The following TRIP11 variants were observed in gnomAD, a reference collection of about 807,000 sequenced individuals.
The protein encoded by TRIP11 is thyroid receptor-interacting protein 11.
A neutral mutation model predicts 223.1 loss-of-function variants in TRIP11; 148 were observed. That is an observed-to-expected ratio of 0.66 (90% CI 0.58 to 0.76). The LOEUF (loss-of-function observed/expected upper bound fraction) is 0.76, where lower values mean the gene tolerates loss of function less well. Ranked by LOEUF, TRIP11 falls within the 30% of genes least tolerant of loss-of-function variation. The pLI is 0.00. For synonymous variants in TRIP11, 762 were observed against 772.6 expected (o/e 0.99, Z 0.23); for missense variants, 2,043 against 2,222.0 (o/e 0.92, Z 1.62).
intron 13 of TRIP11, among the ~76,000 whole-genome samples, chr14:91,997,817 C>T (rs919065914): frequency 6.6e-6 from 1 of 151,974 alleles, no homozygotes; most frequent in African/African-American, 2.4e-5. Context: ...AAAGATCACA[C>T]CTCTATGTAA....
At position 91,999,447 on chromosome 14, in the gene TRIP11, A is replaced by G. The variant is rs1279503299; in HGVS notation, c.4699-14T>C. The G allele has an allele frequency of 6.2e-6, 10 of 1,613,054 alleles. No individual in the cohort carries two copies. The highest frequency in any genetic ancestry group is 1.7e-5 in the Admixed American group (1 of 59,970). ...TAAACGTTGAACCTAGGTAGAGGAC[A>G]TTATTTTTCTTTTACAAAATGCTCC... On this transcript the variant is annotated splice_polypyrimidine_tract_variant and intron_variant, in intron 12 of 20. Coordinates refer to ENST00000267622, the MANE Select transcript of TRIP11 (RefSeq NM_004239.4).
chr14:92,010,904 T>C (rs2056963874), intron 9 of TRIP11, 82 bp downstream of exon 9: 1 of 1,266,190 alleles, frequency 7.9e-7, no homozygotes, highest in East Asian at 2.3e-5. Context: ...TACTCAACAT[T>C]CCATTTGGAT....
chr14:92,010,142 C>T (rs1054455148), intron 9 of TRIP11, among the ~76,000 whole-genome samples: 3 of 152,186 alleles, frequency 2.0e-5, no homozygotes, highest in Middle Eastern at 3.2e-3. Flanking sequence ...CTTCTAAATA[C>T]CTTTCCCTTT....
rs774315459 is a variant in TRIP11 at position 92,021,696 on chromosome 14, T to A, written c.448A>T (p.Ile150Phe). 6.2e-7 allele frequency: 1 copy of A among 1,614,156 alleles called. No individual in the cohort carries two copies. The highest frequency in any genetic ancestry group is 1.7e-5 in the Admixed American group (1 of 60,012). The change falls in exon 4 of 21, where the codon ATT becomes TTT. Residue 150 changes from isoleucine (I) to phenylalanine (F), a missense_variant. Ile to Phe is a conservative substitution (Grantham distance 21, BLOSUM62 0). Transcript: ENST00000267622. ...TTASSSFAYG[I>F]SHHPSAFHDD... Reference sequence around the variant, plus strand: ...TGGAAAGCTGAAGGATGATGACTAATCCCATAAGCGAATGAAGATGATGCA... The same window carrying A: ...TGGAAAGCTGAAGGATGATGACTAAACCCATAAGCGAATGAAGATGATGCA...
At chr14:92,026,553 G>A in intron 2 of TRIP11, 6 of 1,260,578 alleles carry the variant, frequency 4.8e-6, no homozygotes, top group Non-Finnish European at 6.9e-6. Context: ...TCGGATCACT[G>A]GCGTGCCCTA....
intron 2 of TRIP11, among the ~76,000 whole-genome samples, chr14:92,028,584 G>A (rs1427097898): frequency 6.6e-6 from 1 of 152,104 alleles, no homozygotes; most frequent in East Asian, 1.9e-4. Flanking sequence ...GAGAGCAAAT[G>A]AAGGACAGTT....
Position 92,015,708 on chromosome 14 carries a change from G to C in TRIP11, c.811C>G (p.Leu271Val), listed in dbSNP as rs1369728812. ...TAAAACTAATAACCTTGTTGTAACA[G>C]ATTTTCAAGTTCTTCAATTCGTTCT... ...YEERIEELENLLQQGGSGVIE... is the reference protein window; with the variant it reads ...YEERIEELENVLQQGGSGVIE... The change falls in exon 6 of 21, where the codon CTG becomes GTG. Residue 271 changes from leucine (L) to valine (V), a missense_variant. Leu to Val is a conservative substitution (Grantham distance 32). Coordinates refer to ENST00000267622, the MANE Select transcript of TRIP11 (RefSeq NM_004239.4). The C allele has an allele frequency of 3.1e-6, 5 of 1,609,546 alleles. No homozygotes were observed. The highest frequency in any genetic ancestry group is 4.2e-6 in the Non-Finnish European group (5 of 1,178,448).
intron 15 of TRIP11, among the ~76,000 whole-genome samples, chr14:91,992,864 G>GA (rs2056693574): frequency 7.9e-6 from 1 of 126,754 alleles, no homozygotes; most frequent in African/African-American, 3.0e-5. Context: ...AGCCGAGATC[G>GA]CGCTACTGCA....
At chr14:91,976,830 T>A (rs2056470862) in intron 16 of TRIP11, among the ~76,000 whole-genome samples, 1 of 152,190 alleles carries the variant, frequency 6.6e-6, no homozygotes, top group Non-Finnish European at 1.5e-5. Flanking sequence ...GCAAAATCCA[T>A]AAAATCTTGG....
intron 3 of TRIP11, among the ~76,000 whole-genome samples, 164 bp from the exon 4 acceptor site, chr14:92,021,995 C>T (rs2057121524): frequency 6.6e-6 from 1 of 152,218 alleles, no homozygotes; most frequent in African/African-American, 2.4e-5. Context: ...CTAACCATAA[C>T]ATTTTTATTT....
intron 2 of TRIP11, 39 bp downstream of exon 2, chr14:92,033,153 C>CA (rs1327374676): frequency 6.4e-7 from 1 of 1,568,106 alleles, no homozygotes; most frequent in African/African-American, 1.4e-5. Flanking sequence ...TTCATGACTT[C>CA]AAAAAAGAAA....
At chr14:92,013,371 C>T (rs1451614543) in intron 7 of TRIP11, among the ~76,000 whole-genome samples, 1 of 152,176 alleles carries the variant, frequency 6.6e-6, no homozygotes, top group Non-Finnish European at 1.5e-5. Context: ...ATTACTAAAA[C>T]TACAAGGAAG....
intron 13 of TRIP11, among the ~76,000 whole-genome samples, chr14:91,998,285 T>G (rs1404662668): frequency 6.6e-6 from 1 of 152,198 alleles, no homozygotes; most frequent in African/African-American, 2.4e-5. Context: ...CTTCTTGATC[T>G]AGAAGTTCCG....
chr14:92,006,001 A>G lies in TRIP11; in HGVS notation c.1975T>C (p.Ser659Pro). ...TTTTCATTGAGCTGTTCTAATTCTGAAAGATTTTGCTTTAAGTTTCTAACT... is the reference window on the plus strand; with the variant it reads ...TTTTCATTGAGCTGTTCTAATTCTGGAAGATTTTGCTTTAAGTTTCTAACT... ...AEVRNLKQNL[S>P]ELEQLNENLK... is the part of the protein sequence containing the mutation. Residue 659 changes from serine (S) to proline (P), a missense_variant, in exon 11 of 21, where the codon TCA (serine) becomes CCA (proline). Coordinates refer to ENST00000267622, the MANE Select transcript of TRIP11 (RefSeq NM_004239.4). 15 of 1,596,626 alleles carry G rather than the reference A, an allele frequency of 9.4e-6. No homozygotes were observed. Among genetic ancestry groups the G allele is most frequent in the Non-Finnish European group, 1.3e-5 (15 of 1,174,420 alleles).
chr14:92,017,722 G>C lies in TRIP11; in HGVS notation c.617C>G (p.Ser206Cys), dbSNP rs1458295111. ...TAGTTTACATATTTCACTTTGATCA[G>C]AGTTATCTGTTCCTTGTGCTTTGGA... Reference protein sequence around the residue: ...QTSKAQGTDNSDQSEICKLQN... With the variant: ...QTSKAQGTDNCDQSEICKLQN... Residue 206 changes from serine (S) to cysteine (C), a missense_variant, in exon 5 of 21, where the codon TCT (serine) becomes TGT (cysteine). By Grantham distance (112) the Ser-to-Cys change is moderately radical. Coordinates refer to ENST00000267622, the MANE Select transcript of TRIP11 (RefSeq NM_004239.4). The C allele has an allele frequency of 1.2e-6, 2 of 1,612,664 alleles. No individual in the cohort carries two copies. Among genetic ancestry groups the C allele is most frequent in the African/African-American group, 2.7e-5 (2 of 74,880 alleles).
intron 16 of TRIP11, chr14:91,977,328 T>A: frequency 2.4e-6 from 1 of 424,960 alleles, no homozygotes; most frequent in South Asian, 1.7e-5. Flanking sequence ...TGGTTTCATA[T>A]CTAAGAAACT....
intron 2 of TRIP11, among the ~76,000 whole-genome samples, chr14:92,026,039 C>T (rs1202884380): frequency 2.0e-5 from 3 of 152,220 alleles, no homozygotes; most frequent in African/African-American, 7.2e-5. Flanking sequence ...TTCTAGCACA[C>T]AGCAGTCAAT....
At position 92,017,923 on chromosome 14, in the gene TRIP11, C is replaced by T. The variant is rs28722189; in HGVS notation, c.589-173G>A. On this transcript the variant is annotated intron_variant, in intron 4 of 20. Transcript: ENST00000267622. The stretch of plus-strand genomic sequence containing the variant: ...ACCTAGTCTAATAGTGAATAATACA[C>T]AATAAATAAAAGATATCATATTTAA... 0.012 allele frequency among the ~76,000 whole-genome samples: 1,832 copies of T among 151,828 alleles called. 39 individuals are homozygous for T. Among genetic ancestry groups the T allele is most frequent in the African/African-American group, 0.04 (1,673 of 41,390 alleles).
intron 9 of TRIP11, among the ~76,000 whole-genome samples, chr14:92,008,210 A>G (rs2140122267): frequency 6.6e-6 from 1 of 152,224 alleles, no homozygotes; most frequent in African/African-American, 2.4e-5. Flanking sequence ...CCTACCATAC[A>G]TACATACTTT....
Sources: gnomAD v4.1 joint callset for allele counts (sites outside exome capture counted in the v4.1 genomes callset) on GRCh38, gnomAD v4.1.1 for gene constraint, MANE v1.5 for transcripts, NCBI Gene and HGNC (gene_info 2026-07-23, HGNC 2026-07-21) for gene names.